Variants in AK8 observed in about 807,000 individuals in gnomAD.
AK8 encodes the protein adenylate kinase 8.
Under a neutral mutation model 54.6 loss-of-function variants are expected in AK8, and 44 were observed. The observed-to-expected ratio is 0.81, with a 90% CI of 0.63 to 1.04. AK8 has a LOEUF of 1.04. Among genes scored for constraint, AK8 ranks in the 50% least tolerant of loss-of-function variants. AK8 has a pLI of 0.00. For missense variants in AK8, 555 were observed against 613.6 expected, an observed-to-expected ratio of 0.90 and a Z score of 1.01; for synonymous variants, 239 against 245.6, an observed-to-expected ratio of 0.97 and a Z score of 0.25.
intron 2 of AK8, among the ~76,000 whole-genome samples, chr9:132,874,040 G>A (rs1246032448): frequency 6.6e-6 from 1 of 152,250 alleles, no homozygotes; most frequent in Non-Finnish European, 1.5e-5. Context: ...CCCCAGCACC[G>A]CACCACCCCC....
chr9:132,754,974 T>C (rs1811646162), intron 11 of AK8, among the ~76,000 whole-genome samples: 2 of 152,074 alleles, frequency 1.3e-5, no homozygotes, highest in Non-Finnish European at 2.9e-5. Flanking sequence ...TAATTTTGTA[T>C]TTTTAGTAGA....
chr9:132,730,159 T>C (rs575250291), intron 11 of AK8, among the ~76,000 whole-genome samples: 62 of 152,316 alleles, frequency 4.1e-4, no homozygotes, highest in African/African-American at 1.4e-3. Flanking sequence ...CGTTTCAGAC[T>C]GCCTCCTCCA....
chr9:132,758,220 G>A (rs1195021415), intron 11 of AK8, among the ~76,000 whole-genome samples: 2 of 152,222 alleles, frequency 1.3e-5, no homozygotes, highest in African/African-American at 4.8e-5. Context: ...TTAATCTGGA[G>A]AAACAGTCAC....
intron 4 of AK8, among the ~76,000 whole-genome samples, chr9:132,863,161 C>A (rs1490854561): frequency 6.6e-6 from 1 of 152,250 alleles, no homozygotes; most frequent in African/African-American, 2.4e-5. Flanking sequence ...GGGCACTGCC[C>A]GGACCAGAGG....
chr9:132,872,842 C>T (rs999837348), intron 2 of AK8, among the ~76,000 whole-genome samples: 16 of 152,054 alleles, frequency 1.1e-4, no homozygotes, highest in African/African-American at 3.4e-4. Flanking sequence ...GACAGAGTCT[C>T]GCTCTTTCGC....
At chr9:132,801,887 T>C (rs1306773975) in intron 10 of AK8, among the ~76,000 whole-genome samples, 2 of 152,236 alleles carry the variant, frequency 1.3e-5, no homozygotes, top group East Asian at 3.8e-4. Context: ...CCCATGGCCA[T>C]ACAGCTCACA....
chr9:132,878,357 G>A, upstream of AK8: 1 of 1,255,682 alleles, frequency 8.0e-7, no homozygotes, highest in Admixed American at 4.2e-5. This position sits in a 1 kb window ranked among gnomAD's most constrained non-coding sequence, Gnocchi z 4.7. Context: ...CAGGCTCCGC[G>A]CCGGGCCCAG....
chr9:132,803,722 C>T lies in AK8; in HGVS notation c.979+10916G>A, dbSNP rs530634949. On this transcript the variant is annotated intron_variant, in intron 10 of 12. Coordinates refer to ENST00000298545, the MANE Select transcript of AK8 (RefSeq NM_152572.3). This position sits in a 1 kb window ranked among gnomAD's most constrained non-coding sequence, Gnocchi z 4.4. ...TCTGTGTGATTCTGAGCCACGGCCC[C>T]TCCCATCTGGGAGTGACAGTCACTT... Among the ~76,000 whole-genome samples, 17 of 152,290 alleles carry T rather than the reference C, an allele frequency of 1.1e-4. No individual in the cohort carries two copies. The highest frequency in any genetic ancestry group is 3.6e-4 in the African/African-American group (15 of 41,564).
intron 11 of AK8, among the ~76,000 whole-genome samples, chr9:132,745,105 C>T (rs562247386): frequency 2.6e-5 from 4 of 152,306 alleles, no homozygotes; most frequent in East Asian, 1.9e-4. Context: ...GTTCTGCCAC[C>T]GTTCATCCGA....
chr9:132,743,708 A>C (rs556636377), intron 11 of AK8, among the ~76,000 whole-genome samples: 2 of 152,134 alleles, frequency 1.3e-5, no homozygotes, highest in Non-Finnish European at 2.9e-5. Flanking sequence ...TGTTTTATTG[A>C]TATTTCCTAC....
chr9:132,738,076 CAG>C (rs1837201096), intron 11 of AK8, among the ~76,000 whole-genome samples: 1 of 149,036 alleles, frequency 6.7e-6, no homozygotes, highest in Non-Finnish European at 1.5e-5. Flanking sequence ...TTTTTTGAGA[CAG>C]AGTCTCACTC....
At chr9:132,807,675 T>G (rs1313611274) in intron 10 of AK8, among the ~76,000 whole-genome samples, 1 of 152,190 alleles carries the variant, frequency 6.6e-6, no homozygotes, top group African/African-American at 2.4e-5. Context: ...AAAATTCTCA[T>G]GAGAAAGGCT....
chr9:132,789,492 G>A (rs1184509743), intron 11 of AK8, among the ~76,000 whole-genome samples: 1 of 148,520 alleles, frequency 6.7e-6, no homozygotes, highest in Non-Finnish European at 1.5e-5. Context: ...AGCTACTCAG[G>A]AGGAGGAGGC....
At chr9:132,854,967 T>C in intron 4 of AK8, 42 bp from the exon 5 acceptor site, 2 of 1,606,896 alleles carry the variant, frequency 1.2e-6, no homozygotes, top group Non-Finnish European at 1.7e-6. Context: ...CCAAACCTGC[T>C]TCCTGCAGCT....
intron 12 of AK8, among the ~76,000 whole-genome samples, chr9:132,726,559 T>C (rs764141009): frequency 3.3e-4 from 50 of 152,140 alleles, no homozygotes; most frequent in African/African-American, 8.9e-4. Flanking sequence ...TGAGCCACCA[T>C]GCCCGGCCTC....
intron 11 of AK8, among the ~76,000 whole-genome samples, chr9:132,755,089 G>A (rs1305791153): frequency 7.9e-5 from 12 of 152,162 alleles, no homozygotes; most frequent in African/African-American, 2.4e-5. Context: ...ATGAGCCACC[G>A]TGCCCCACCT....
intron 11 of AK8, among the ~76,000 whole-genome samples, chr9:132,729,289 G>A (rs1590160475): frequency 1.3e-5 from 2 of 152,204 alleles, no homozygotes; most frequent in African/African-American, 4.8e-5. Context: ...CAGCTGGACA[G>A]TGATGCTGGA....
chr9:132,774,140 C>T (rs986505362), intron 11 of AK8, among the ~76,000 whole-genome samples: 1 of 152,076 alleles, frequency 6.6e-6, no homozygotes. Flanking sequence ...TGCCCTATGA[C>T]CTAGAATCCA....
chr9:132,740,531 G>T lies in AK8; in HGVS notation c.1122-12997C>A, dbSNP rs1034815020. On this transcript the variant is annotated intron_variant, in intron 11 of 12. Coordinates refer to ENST00000298545, the MANE Select transcript of AK8 (RefSeq NM_152572.3). ...CTTGCTTTGAGCCTTCTCCAGAGGT[G>T]TGAGACATGGAATAGACATTTCTAG... is the stretch of plus-strand genomic sequence containing the variant. Among the ~76,000 whole-genome samples, 4 of 152,194 alleles carry T rather than the reference G, an allele frequency of 2.6e-5. No homozygotes were observed. In the East Asian group the frequency reaches 7.7e-4, roughly 29 times the overall value.
Sources: allele counts gnomAD v4.1 joint callset (sites outside exome capture counted in the v4.1 genomes callset), GRCh38; gene constraint gnomAD v4.1.1; non-coding constraint Gnocchi (gnomAD v3.1); transcripts MANE v1.5; gene names NCBI Gene and HGNC (gene_info 2026-07-23, HGNC 2026-07-21).